ANK3: variants seen among roughly 807,000 people sequenced by gnomAD.
ANK3 encodes ankyrin-3.
A neutral mutation model predicts 370.9 loss-of-function variants in ANK3; 57 were observed. That is an observed-to-expected ratio of 0.15 (90% CI 0.12 to 0.19). The LOEUF (loss-of-function observed/expected upper bound fraction) is 0.19. Among genes scored for constraint, ANK3 ranks in the 10% least tolerant of loss-of-function variants. The pLI, the probability that ANK3 is intolerant of heterozygous loss-of-function variation, is 1.00. For missense variants in ANK3, 4,439 were observed against 5,302.1 expected, an observed-to-expected ratio of 0.84 and a Z score of 5.06; for synonymous variants, 1,929 against 1,946.3, an observed-to-expected ratio of 0.99 and a Z score of 0.23.
intron 43 of ANK3, among the ~76,000 whole-genome samples, chr10:60,034,056 T>A (rs545288678): frequency 1.3e-5 from 2 of 151,822 alleles, no homozygotes; most frequent in East Asian, 3.9e-4. Context: ...ATTCAGTAGG[T>A]CAGTGTGTCT....
chr10:60,210,452 G>A (rs536629279), intron 9 of ANK3, among the ~76,000 whole-genome samples: 1 of 151,986 alleles, frequency 6.6e-6, no homozygotes, highest in Non-Finnish European at 1.5e-5. Context: ...GAGAACAAAG[G>A]CGTATTCTAG....
chr10:60,537,028 A>T (rs1345624177), intron 2 of ANK3, among the ~76,000 whole-genome samples: 2 of 152,148 alleles, frequency 1.3e-5, no homozygotes, highest in Non-Finnish European at 2.9e-5. Context: ...ACAGCCAGAA[A>T]TTGCTACTGT....
intron 1 of ANK3, chr10:60,684,739 C>A (rs1312109257): frequency 1.3e-6 from 2 of 1,581,296 alleles, no homozygotes; most frequent in East Asian, 2.3e-5. Context: ...TGTAGGTGGT[C>A]AGGAGAAATT....
chr10:60,107,430 T>C (rs1193135959), intron 27 of ANK3, among the ~76,000 whole-genome samples: 1 of 152,220 alleles, frequency 6.6e-6, no homozygotes. Flanking sequence ...AGAGAAGGTA[T>C]GAACAAGGGT....
chr10:60,113,282 T>C (rs1194364874), intron 26 of ANK3, among the ~76,000 whole-genome samples: 5 of 152,164 alleles, frequency 3.3e-5, no homozygotes, highest in Non-Finnish European at 1.5e-5. Flanking sequence ...ACTTCAGAAA[T>C]GCAGAGGCAC....
rs7092966 is a variant in ANK3 at position 60,472,275 on chromosome 10, T to C, written c.96+142911A>G. Among the ~76,000 whole-genome samples the C allele has an allele frequency of 3.1e-3, 465 of 152,264 alleles. 4 individuals are homozygous for C. Among genetic ancestry groups the C allele is most frequent in the African/African-American group, 0.011 (453 of 41,550 alleles). ...CAGGATAGCACTTTGGTATCAATAG[T>C]CCTCATGCTATTATTTGAGACTAAC... On this transcript the variant is annotated intron_variant, in intron 2 of 43. Transcript: ENST00000373827.
intron 43 of ANK3, 53 bp from the exon 44 acceptor site, chr10:60,029,879 T>TTTTTTTTTC: frequency 2.1e-4 from 6 of 29,002 alleles, no homozygotes; most frequent in African/African-American, 3.6e-4. Flanking sequence ...CTTTTTCTTT[T>TTTTTTTTTC]TTTTTTTTTT....
At chr10:60,216,908 G>C (rs976203861) in intron 8 of ANK3, among the ~76,000 whole-genome samples, 6 of 151,920 alleles carry the variant, frequency 3.9e-5, no homozygotes, top group African/African-American at 9.7e-5. Context: ...GGCTTTTTTT[G>C]GTTGGTAGGC....
rs1021566944 is a variant in ANK3 at position 60,268,385 on chromosome 10, G to T, written c.513+1746C>A. Among the ~76,000 whole-genome samples the T allele has an allele frequency of 5.9e-5, 9 of 152,094 alleles. 1 individual carries two copies. The highest frequency in any genetic ancestry group is 2.2e-4 in the African/African-American group (9 of 41,420). On this transcript the variant is annotated intron_variant, in intron 5 of 43. Coordinates refer to ENST00000280772, the MANE Select transcript of ANK3 (RefSeq NM_020987.5). The stretch of plus-strand genomic sequence containing the variant: ...AAACCACTGGTAACAATCTACTATG[G>T]ACATTTTCCTATATCAGTACATAGA...
intron 2 of ANK3, among the ~76,000 whole-genome samples, chr10:60,511,047 CA>C (rs2133162436): frequency 6.6e-6 from 1 of 152,196 alleles, no homozygotes; most frequent in East Asian, 1.9e-4. Flanking sequence ...TAGCATTCAT[CA>C]GGTCTAGTTA....
chr10:60,403,645 C>T (rs1226342858), intron 2 of ANK3, among the ~76,000 whole-genome samples: 4 of 152,136 alleles, frequency 2.6e-5, no homozygotes, highest in East Asian at 3.9e-4. Context: ...CGGAGTGCAG[C>T]GGCGCGATCT....
intron 1 of ANK3, among the ~76,000 whole-genome samples, chr10:60,322,112 T>C (rs926636356): frequency 6.6e-6 from 1 of 152,172 alleles, no homozygotes; most frequent in African/African-American, 2.4e-5. Context: ...AGACATTTGG[T>C]ATAAGCTTGA....
intron 2 of ANK3, among the ~76,000 whole-genome samples, chr10:60,504,958 T>C (rs2075895903): frequency 6.6e-6 from 1 of 152,110 alleles, no homozygotes; most frequent in African/African-American, 2.4e-5. Flanking sequence ...TTAGAGCATA[T>C]GAAGGGATCA....
chr10:60,324,324 T>C (rs1388443979), intron 1 of ANK3, among the ~76,000 whole-genome samples: 1 of 152,234 alleles, frequency 6.6e-6, no homozygotes, highest in Non-Finnish European at 1.5e-5. Context: ...GTACCATCAT[T>C]AGCTGAGTGC....
chr10:60,566,656 C>T (rs947448205), intron 2 of ANK3, among the ~76,000 whole-genome samples: 3 of 152,100 alleles, frequency 2.0e-5, no homozygotes, highest in East Asian at 1.9e-4. Context: ...GAGGATTGCT[C>T]GAGGCCAGTA....
chr10:60,553,107 T>C (rs1169348632), intron 2 of ANK3, among the ~76,000 whole-genome samples: 1 of 152,198 alleles, frequency 6.6e-6, no homozygotes, highest in Non-Finnish European at 1.5e-5. Context: ...ACAGTGATAA[T>C]ACCAGCTGAT....
intron 1 of ANK3, among the ~76,000 whole-genome samples, chr10:60,372,471 A>G (rs1178019756): frequency 6.6e-6 from 1 of 152,176 alleles, no homozygotes; most frequent in Non-Finnish European, 1.5e-5. Context: ...GCACCAACAT[A>G]TCACTATCTT....
chr10:60,098,491 G>A (rs61085298), intron 28 of ANK3, among the ~76,000 whole-genome samples: 30,100 of 151,886 alleles, frequency 0.2, 3,609 homozygotes, highest in East Asian at 0.59. Flanking sequence ...TATATTTACT[G>A]AACTAGTTTA....
At chr10:60,257,641 C>CTA (rs1332068321) in intron 7 of ANK3, among the ~76,000 whole-genome samples, 19 of 152,228 alleles carry the variant, frequency 1.2e-4, no homozygotes, top group Admixed American at 9.8e-4. Flanking sequence ...TCCCTTTCCA[C>CTA]TATATATATC....
Sources: gnomAD v4.1 joint callset for allele counts (sites outside exome capture counted in the v4.1 genomes callset) on GRCh38, gnomAD v4.1.1 for gene constraint, MANE v1.5 for transcripts, NCBI Gene and HGNC (gene_info 2026-07-23, HGNC 2026-07-21) for gene names.